Variants in SIPA1L3 observed in about 807,000 individuals in gnomAD.
SIPA1L3 encodes signal induced proliferation associated 1 like 3, also known as signal-induced proliferation-associated 1-like protein 3.
In SIPA1L3, 59 loss-of-function variants were observed where a neutral mutation model predicts 150.1. The ratio of observed to expected loss-of-function variants is 0.39; its 90% CI spans 0.32 to 0.49. SIPA1L3 has a LOEUF of 0.49. SIPA1L3 is among the 20% of genes least tolerant of loss of function. The probability of loss-of-function intolerance (pLI) is 0.86; values close to 1 mark genes in which losing one functional copy is unlikely to be tolerated. For missense variants in SIPA1L3, 2,211 were observed against 2,489.5 expected, an observed-to-expected ratio of 0.89 and a Z score of 2.38; for synonymous variants, 1,070 against 1,077.6, an observed-to-expected ratio of 0.99 and a Z score of 0.14.
At chr19:38,065,669 G>A (rs561485681) in intron 2 of SIPA1L3, among the ~76,000 whole-genome samples, 14 of 151,856 alleles carry the variant, frequency 9.2e-5, no homozygotes, top group Admixed American at 2.0e-4. Flanking sequence ...TGATCCACCC[G>A]CCTTGGCCTC....
chr19:37,965,440 T>C (rs960348675), intron 1 of SIPA1L3, among the ~76,000 whole-genome samples: 25 of 151,544 alleles, frequency 1.6e-4, no homozygotes, highest in Non-Finnish European at 2.8e-4. Context: ...CTCAGCCTCC[T>C]GAGTAGCTGG....
chr19:38,002,717 CAAAAAAAAAA>C lies in SIPA1L3; in HGVS notation c.-378-26354_-378-26345del, dbSNP rs55737969. 1.1e-4 allele frequency among the ~76,000 whole-genome samples: 7 copies of C among 61,420 alleles called. 1 individual carries two copies. Among genetic ancestry groups the C allele is most frequent in the Admixed American group, 4.4e-4 (2 of 4,592 alleles). 40.3% of individuals were successfully genotyped at this position (61,420 alleles called of 152,430 possible). ...CTGGTGACAGAGCGAGACTCCATCT[CAAAAAAAAAA>C]AAAAAAAAAAAAAAAAATTTATATG... On this transcript the variant is annotated intron_variant, in intron 1 of 21. Transcript: ENST00000222345.
intron 1 of SIPA1L3, among the ~76,000 whole-genome samples, chr19:37,985,873 C>T (rs1020687964): frequency 6.6e-6 from 1 of 152,214 alleles, no homozygotes; most frequent in Non-Finnish European, 1.5e-5. Flanking sequence ...GGGAAGAGAC[C>T]CTTCGCCCCT....
At chr19:38,051,696 A>G (rs1250671590) in intron 2 of SIPA1L3, among the ~76,000 whole-genome samples, 5 of 152,162 alleles carry the variant, frequency 3.3e-5, no homozygotes, top group Non-Finnish European at 7.4e-5. Flanking sequence ...TCCTGAACTC[A>G]AGTGATCCTC....
chr19:38,103,089 C>T (rs2145863182), intron 6 of SIPA1L3, among the ~76,000 whole-genome samples: 1 of 151,224 alleles, frequency 6.6e-6, no homozygotes, highest in East Asian at 2.0e-4. Context: ...CACCATTGCA[C>T]TCCAGCCTGG....
chr19:38,156,784 A>G (rs186793222), intron 13 of SIPA1L3, among the ~76,000 whole-genome samples: 16 of 152,290 alleles, frequency 1.1e-4, no homozygotes, highest in Non-Finnish European at 1.0e-4. Flanking sequence ...GAGATCACGC[A>G]TTGCACTCCT....
chr19:37,931,291 C>T (rs1296061410), intron 1 of SIPA1L3, among the ~76,000 whole-genome samples: 3 of 151,936 alleles, frequency 2.0e-5, no homozygotes, highest in African/African-American at 7.3e-5. Flanking sequence ...GAGGGAGGAT[C>T]GCTTGAAGCT....
chr19:37,936,383 A>G (rs560852263), intron 1 of SIPA1L3, among the ~76,000 whole-genome samples: 2 of 152,356 alleles, frequency 1.3e-5, no homozygotes, highest in South Asian at 4.1e-4. Flanking sequence ...TCAACTGTTT[A>G]GTAAATTCCT....
At chr19:38,033,526 A>G (rs1176917406) in intron 2 of SIPA1L3, among the ~76,000 whole-genome samples, 1 of 152,102 alleles carries the variant, frequency 6.6e-6, no homozygotes, top group Non-Finnish European at 1.5e-5. Flanking sequence ...CATCTCTACA[A>G]AAAATGTTTT....
chr19:38,204,629 G>A (rs532061135), intron 21 of SIPA1L3, among the ~76,000 whole-genome samples: 5 of 152,246 alleles, frequency 3.3e-5, no homozygotes, highest in African/African-American at 1.2e-4. Context: ...GTCGGGTGTG[G>A]TGGCGGGTGC....
rs1269646376 is a variant in SIPA1L3 at position 37,987,873 on chromosome 19, A to G, written c.-378-41216A>G. Reference sequence around the variant, plus strand: ...GACTAGCAAGTGGGGAAAGGATAATAAACGGAGCTTGGTATTTGTGTTGGG... The same window carrying G: ...GACTAGCAAGTGGGGAAAGGATAATGAACGGAGCTTGGTATTTGTGTTGGG... On this transcript the variant is annotated intron_variant, in intron 1 of 21. Coordinates refer to ENST00000222345, the MANE Select transcript of SIPA1L3 (RefSeq NM_015073.3). 2.6e-5 allele frequency among the ~76,000 whole-genome samples: 4 copies of G among 152,372 alleles called. No homozygotes were observed. The East Asian group carries it at 7.7e-4, about 29-fold the overall frequency.
chr19:37,952,505 T>C (rs1366425406), intron 1 of SIPA1L3, among the ~76,000 whole-genome samples: 1 of 151,898 alleles, frequency 6.6e-6, no homozygotes, highest in African/African-American at 2.4e-5. Context: ...AAACCCTGTC[T>C]TTACTAAAAA....
intron 8 of SIPA1L3, among the ~76,000 whole-genome samples, chr19:38,112,276 GCA>G (rs1477775838): frequency 2.6e-5 from 4 of 151,188 alleles, no homozygotes; most frequent in Non-Finnish European, 1.5e-5. Flanking sequence ...ATGCACATAT[GCA>G]CACACATATG....
Position 37,998,375 on chromosome 19 carries a change from A to G in SIPA1L3, c.-378-30714A>G, listed in dbSNP as rs142487230. 2.6e-3 allele frequency among the ~76,000 whole-genome samples: 400 copies of G among 152,318 alleles called. 1 individual carries two copies. The highest frequency in any genetic ancestry group is 9.3e-3 in the African/African-American group (387 of 41,572). On this transcript the variant is annotated intron_variant, in intron 1 of 21. Transcript: ENST00000222345. ...TATGTGGTAGGACATAGTAATTTTG[A>G]TTGGTAATGGAACCAGCCTAATATT...
chr19:37,927,724 TGGG>T (rs1259310542), intron 1 of SIPA1L3, among the ~76,000 whole-genome samples: 5 of 145,824 alleles, frequency 3.4e-5, no homozygotes, highest in South Asian at 2.2e-4. Flanking sequence ...TGTAAGAACA[TGGG>T]GTGTGTGTGT....
chr19:38,089,328 CAA>C (rs55806031), intron 4 of SIPA1L3, among the ~76,000 whole-genome samples: 17 of 64,288 alleles, frequency 2.6e-4, no homozygotes, highest in East Asian at 4.4e-4. Context: ...GACTGTGTCT[CAA>C]AAAAAAAAAA....
chr19:38,141,441 C>CT lies in SIPA1L3; in HGVS notation c.3395+6_3395+7insT. The CT allele has an allele frequency of 1.2e-6, 2 of 1,604,746 alleles. No individual in the cohort carries two copies. The highest frequency in any genetic ancestry group is 1.7e-6 in the Non-Finnish European group (2 of 1,179,222). On this transcript the variant is annotated splice_region_variant and intron_variant, in intron 11 of 21. Coordinates refer to ENST00000222345, the MANE Select transcript of SIPA1L3 (RefSeq NM_015073.3). ...CAGCCACTGCACAGCAAGAGGTAAG[C>CT]ACCTGCTGGGGGGACCAATACTTCC...
chr19:37,995,250 GAC>G (rs1442717722), intron 1 of SIPA1L3, among the ~76,000 whole-genome samples: 2 of 152,168 alleles, frequency 1.3e-5, no homozygotes, highest in African/African-American at 4.8e-5. Context: ...GACAGCAAGA[GAC>G]AGGGGATGGC....
At chr19:38,090,248 T>G (rs560797813) in intron 4 of SIPA1L3, among the ~76,000 whole-genome samples, 1 of 149,848 alleles carries the variant, frequency 6.7e-6, no homozygotes, top group Admixed American at 6.8e-5. Flanking sequence ...GAGAATTGCT[T>G]GAACCCGGGA....
Sources: allele counts gnomAD v4.1 joint callset (sites outside exome capture counted in the v4.1 genomes callset), GRCh38; gene constraint gnomAD v4.1.1; transcripts MANE v1.5; gene names NCBI Gene and HGNC (gene_info 2026-07-23, HGNC 2026-07-21).